CGGBP1: variants seen among roughly 807,000 people sequenced by gnomAD.
The protein encoded by CGGBP1 is CGG triplet repeat binding protein 1.
Under a neutral mutation model 11.4 loss-of-function variants are expected in CGGBP1, and 4 were observed. The ratio of observed to expected loss-of-function variants is 0.35; its 90% CI spans 0.17 to 0.80. The LOEUF is 0.80. CGGBP1 is among the 30% of genes least tolerant of loss of function. The probability of loss-of-function intolerance (pLI) is 0.52; values close to 1 mark genes in which losing one functional copy is unlikely to be tolerated. For missense variants in CGGBP1, 135 were observed against 202.1 expected, an observed-to-expected ratio of 0.67 and a Z score of 2.01; for synonymous variants, 76 against 74.1, an observed-to-expected ratio of 1.03 and a Z score of -0.13.
intron 2 of CGGBP1, among the ~76,000 whole-genome samples, chr3:88,110,480 A>C (rs1172276176): frequency 2.0e-5 from 3 of 152,052 alleles, no homozygotes; most frequent in Non-Finnish European, 2.9e-5. Context: ...CCCACCATGA[A>C]ATACTGTTCT....
At chr3:88,119,504 C>T (rs1185497196) in intron 2 of CGGBP1, among the ~76,000 whole-genome samples, 1 of 148,636 alleles carries the variant, frequency 6.7e-6, no homozygotes, top group African/African-American at 2.5e-5. Context: ...AACTAACCTG[C>T]ACAATGTGCA....
intron 2 of CGGBP1, among the ~76,000 whole-genome samples, chr3:88,107,353 G>A (rs1171075263): frequency 6.6e-6 from 1 of 152,028 alleles, no homozygotes; most frequent in Non-Finnish European, 1.5e-5. Flanking sequence ...TTACTGATTT[G>A]CATCTTAGAC....
At chr3:88,105,687 A>G (rs936528402) in intron 2 of CGGBP1, among the ~76,000 whole-genome samples, 1 of 152,130 alleles carries the variant, frequency 6.6e-6, no homozygotes, top group African/African-American at 2.4e-5. Context: ...TATTCTGTCA[A>G]TCTTCTGATT....
At chr3:88,136,863 C>A (rs1706816442) in intron 2 of CGGBP1, among the ~76,000 whole-genome samples, 1 of 152,082 alleles carries the variant, frequency 6.6e-6, no homozygotes, top group South Asian at 2.1e-4. Flanking sequence ...CATTTTTAAA[C>A]TTGAGCATCT....
chr3:88,122,600 G>C (rs1490852127), intron 2 of CGGBP1, among the ~76,000 whole-genome samples: 1 of 151,942 alleles, frequency 6.6e-6, no homozygotes, highest in East Asian at 1.9e-4. Flanking sequence ...GTAATTAAGG[G>C]GATTATATTT....
chr3:88,059,111 G>A (rs1706677820), upstream of CGGBP1: 2 of 914,468 alleles, frequency 2.2e-6, no homozygotes, highest in African/African-American at 1.7e-5. Context: ...TGGAAAGGCG[G>A]GCATGAACAT....
intron 2 of CGGBP1, among the ~76,000 whole-genome samples, chr3:88,064,109 C>CT (rs34753092): frequency 0.78 from 115,279 of 147,952 alleles, 45,326 homozygotes; most frequent in South Asian, 0.9. Flanking sequence ...CGAGCTTCTT[C>CT]TTTTTTTTTT....
intron 2 of CGGBP1, among the ~76,000 whole-genome samples, chr3:88,069,142 C>T (rs1707363646): frequency 1.8e-5 from 1 of 55,652 alleles, no homozygotes; most frequent in Admixed American, 2.1e-4. Context: ...GATTCTCAGG[C>T]CAGGCGCCGT....
intron 2 of CGGBP1, among the ~76,000 whole-genome samples, chr3:88,103,489 C>G (rs1240422516): frequency 6.6e-6 from 1 of 152,000 alleles, no homozygotes; most frequent in East Asian, 1.9e-4. Context: ...TTAGGAAAAT[C>G]TAAAACTGTA....
At chr3:88,139,131 A>G in intron 2 of CGGBP1, 1 of 1,285,912 alleles carries the variant, frequency 7.8e-7, no homozygotes. Context: ...TAATCTAAAA[A>G]GGACGGAGGA....
intron 2 of CGGBP1, among the ~76,000 whole-genome samples, chr3:88,077,315 A>AT (rs1298590640): frequency 6.6e-6 from 1 of 152,018 alleles, no homozygotes; most frequent in East Asian, 1.9e-4. Context: ...AAAAAGAGAA[A>AT]AAGTTGCAGA....
chr3:88,103,986 T>C (rs369287288), intron 2 of CGGBP1, among the ~76,000 whole-genome samples: 34 of 152,092 alleles, frequency 2.2e-4, no homozygotes, highest in East Asian at 9.7e-4. Context: ...GGTCTCGAAC[T>C]CCTTACCTCA....
chr3:88,065,818 C>T lies in CGGBP1; in HGVS notation c.-228-7595G>A, dbSNP rs562157709. Among the ~76,000 whole-genome samples the T allele has an allele frequency of 9.9e-5, 15 of 152,204 alleles. No individual in the cohort carries two copies. In the South Asian group the frequency reaches 2.5e-3, roughly 25 times the overall value. ...CTAGGCTCACTGCAACCTCCCTGTCCGGGGCTAAAGCGCTTCTCAGCACCC... is the reference window on the plus strand; with the variant it reads ...CTAGGCTCACTGCAACCTCCCTGTCTGGGGCTAAAGCGCTTCTCAGCACCC... On this transcript the variant is annotated intron_variant, in intron 2 of 3. Coordinates refer to the CGGBP1 transcript ENST00000462901.
At chr3:88,102,817 CTT>C (rs10701359) in intron 2 of CGGBP1, among the ~76,000 whole-genome samples, 477 of 106,518 alleles carry the variant, frequency 4.5e-3, no homozygotes, top group East Asian at 6.6e-3. Context: ...CCTCTACTGT[CTT>C]TTTTTTTTTT....
Position 88,112,367 on chromosome 3 carries a change from C to T in CGGBP1, c.-229+28603G>A, listed in dbSNP as rs193212191. The stretch of plus-strand genomic sequence containing the variant: ...ATCTAAGATTTAGAGGGATTTGTCA[C>T]TTGTACTACTTTAGGATTGCTAAAT... On this transcript the variant is annotated intron_variant, in intron 2 of 3. Transcript: ENST00000462901. 1.4e-3 allele frequency among the ~76,000 whole-genome samples: 210 copies of T among 151,930 alleles called. 4 individuals carry two copies. The highest frequency in any genetic ancestry group is 4.8e-3 in the African/African-American group (200 of 41,516).
rs1055956251 is a variant in CGGBP1 at position 88,141,793 on chromosome 3, A to G, written c.-337-715T>C. On this transcript the variant is annotated intron_variant, in intron 1 of 3. Coordinates refer to the CGGBP1 transcript ENST00000462901. ...ATTACTAAAGATAAAGACAAAGCAC[A>G]TTTTCTAGAATGAACTCACAGAGAT... The G allele has an allele frequency of 6.1e-5, 34 of 555,358 alleles. No homozygotes were observed. In the African/African-American group the frequency reaches 6.5e-4, roughly 11 times the overall value. 34.4% of individuals were successfully genotyped at this position (555,358 alleles called of 1,614,324 possible). A position where few individuals can be genotyped will look rare whatever the true frequency, so the allele number is the denominator to read the frequency against.
intron 2 of CGGBP1, among the ~76,000 whole-genome samples, chr3:88,137,060 T>G (rs1190170303): frequency 6.6e-6 from 1 of 151,980 alleles, no homozygotes; most frequent in Non-Finnish European, 1.5e-5. Context: ...CCAAGTGTGG[T>G]GGCTCACGCC....
At chr3:88,086,102 C>T (rs868866461) in intron 2 of CGGBP1, among the ~76,000 whole-genome samples, 55 of 152,170 alleles carry the variant, frequency 3.6e-4, no homozygotes, top group African/African-American at 1.2e-3. Context: ...AGATATATAT[C>T]GTCAAAATAA....
chr3:88,139,562 G>T, intron 2 of CGGBP1: 1 of 1,613,556 alleles, frequency 6.2e-7, no homozygotes, highest in Non-Finnish European at 8.5e-7. Flanking sequence ...TTGAAAATGG[G>T]AATTCTGATA....
Sources: allele counts gnomAD v4.1 joint callset (sites outside exome capture counted in the v4.1 genomes callset), GRCh38; gene constraint gnomAD v4.1.1; transcripts MANE v1.5; gene names NCBI Gene and HGNC (gene_info 2026-07-23, HGNC 2026-07-21).